The following CDH7 variants were observed in gnomAD, a reference collection of about 807,000 sequenced individuals.
CDH7 encodes the protein cadherin 7.
CDH7 carries 25 observed loss-of-function variants against 71.8 expected under a neutral mutation model. That is an observed-to-expected ratio of 0.35 (90% CI 0.25 to 0.49). The LOEUF (loss-of-function observed/expected upper bound fraction) is 0.49, where lower values mean the gene tolerates loss of function less well. CDH7 is among the 20% of genes least tolerant of loss of function. CDH7 has a pLI of 0.99. For synonymous variants in CDH7, 381 were observed against 363.8 expected, an observed-to-expected ratio of 1.05 and a Z score of -0.54; for missense variants, 862 against 974.6, an observed-to-expected ratio of 0.88 and a Z score of 1.54.
rs552052364 is a variant in CDH7 at position 65,828,630 on chromosome 18, C to T, written c.981+3799C>T. Among the ~76,000 whole-genome samples the T allele has an allele frequency of 1.2e-4, 18 of 151,936 alleles. No homozygotes were observed. In the South Asian group the frequency reaches 2.1e-3, roughly 18 times the overall value. ...AGGATATTAGTAGTTAAGTTTTGAG[C>T]GATCCAAAGTTATACACAGATTTTT... On this transcript the variant is annotated intron_variant, in intron 6 of 11. Transcript: ENST00000397968.
chr18:65,862,642 A>G, intron 10 of CDH7, 24 bp from the exon 11 acceptor site: 1 of 1,609,552 alleles, frequency 6.2e-7, no homozygotes, highest in Non-Finnish European at 8.5e-7. Flanking sequence ...ATCTGGTGTT[A>G]TACATTTGCT....
chr18:65,781,805 T>TCCTG, intron 2 of CDH7, among the ~76,000 whole-genome samples: 1 of 80,582 alleles, frequency 1.2e-5, no homozygotes, highest in African/African-American at 7.6e-5. Flanking sequence ...CTTCCTTCCT[T>TCCTG]CCTTCCTTCC....
intron 2 of CDH7, among the ~76,000 whole-genome samples, chr18:65,802,935 T>G (rs1911178412): frequency 6.6e-6 from 1 of 152,204 alleles, no homozygotes; most frequent in Admixed American, 6.5e-5. Context: ...GCACAGATCC[T>G]TGGAACCTTT....
chr18:65,849,958 A>G (rs917955877), intron 7 of CDH7, among the ~76,000 whole-genome samples: 1 of 151,622 alleles, frequency 6.6e-6, no homozygotes, highest in Non-Finnish European at 1.5e-5. Flanking sequence ...TAGGCCAGGA[A>G]TTCGAGACCA....
rs1568181719 is a variant in CDH7, at chr18:65,781,864, T to TTCTTTCTC, written c.210+18815_210+18816insTTCTCTCT. ...TTTCTTTCTTTCTTTCTTTCTTTCT[T>TTCTTTCTC]TCTCTCTCTCTCTCTGTCTCTCTCT... is the stretch of plus-strand genomic sequence containing the variant. On this transcript the variant is annotated intron_variant, in intron 2 of 11. Coordinates refer to ENST00000397968, the MANE Select transcript of CDH7 (RefSeq NM_004361.5). Among the ~76,000 whole-genome samples, 17 of 54,628 alleles carry TTCTTTCTC rather than the reference T, an allele frequency of 3.1e-4. 2 individuals are homozygous for TTCTTTCTC. Among genetic ancestry groups the TTCTTTCTC allele is most frequent in the Non-Finnish European group, 4.7e-4 (15 of 31,652 alleles). 35.8% of individuals were successfully genotyped at this position (54,628 alleles called of 152,430 possible).
At chr18:65,821,468 T>C (rs1351959258) in intron 4 of CDH7, among the ~76,000 whole-genome samples, 1 of 152,132 alleles carries the variant, frequency 6.6e-6, no homozygotes, top group Non-Finnish European at 1.5e-5. Flanking sequence ...GCCGTGACAA[T>C]AGCATCCAAC....
Position 65,890,230 on chromosome 18 carries a change from C to T in CDH7, c.*9336C>T, listed in dbSNP as rs1002763724. 2 of 152,148 alleles carry T rather than the reference C, an allele frequency of 1.3e-5. No individual in the cohort carries two copies. The highest frequency in any genetic ancestry group is 4.8e-5 in the African/African-American group (2 of 41,440). The allele number at this position is 152,148 out of a possible 1,614,324, so 9.4% of individuals were successfully genotyped here. On this transcript the variant is annotated 3_prime_UTR_variant, in exon 12 of 12. Coordinates refer to ENST00000397968, the MANE Select transcript of CDH7 (RefSeq NM_004361.5). The stretch of plus-strand genomic sequence containing the variant: ...CCAATATTGTTATAAATTTATGAAG[C>T]TTCAATTCTAGCAAAAATAAACTAT...
chr18:65,877,669 A>G (rs1199412404), intron 11 of CDH7, among the ~76,000 whole-genome samples: 4 of 151,954 alleles, frequency 2.6e-5, no homozygotes, highest in Non-Finnish European at 4.4e-5. Context: ...GCATCCCATC[A>G]CTATTTTCTC....
chr18:65,814,737 A>G (rs1911664177), intron 4 of CDH7, 133 bp downstream of exon 4: 1 of 688,400 alleles, frequency 1.5e-6, no homozygotes, highest in Admixed American at 3.3e-5. Flanking sequence ...CTACTTTGGT[A>G]AGCATGATAT....
intron 11 of CDH7, among the ~76,000 whole-genome samples, chr18:65,878,909 T>C (rs1025114482): frequency 1.4e-4 from 22 of 152,056 alleles, no homozygotes; most frequent in African/African-American, 5.1e-4. Flanking sequence ...TGCAGTAGGG[T>C]CCAGTGGGAA....
At chr18:65,872,854 C>T (rs531625103) in intron 11 of CDH7, among the ~76,000 whole-genome samples, 5 of 151,648 alleles carry the variant, frequency 3.3e-5, no homozygotes, top group African/African-American at 9.7e-5. Context: ...ATGATCACTC[C>T]GGCCTGGGTG....
chr18:65,798,067 G>C (rs537864728), intron 2 of CDH7, among the ~76,000 whole-genome samples: 88 of 152,302 alleles, frequency 5.8e-4, no homozygotes, highest in Non-Finnish European at 1.1e-3. Context: ...GAGAACTAAG[G>C]AGGAGGGCAT....
intron 1 of CDH7, among the ~76,000 whole-genome samples, chr18:65,757,678 T>A (rs1916068902): frequency 6.6e-6 from 1 of 152,268 alleles, no homozygotes; most frequent in South Asian, 2.1e-4. Flanking sequence ...CTCTGTGCCC[T>A]TCTCTCCTCA....
Position 65,859,013 on chromosome 18 carries a change from G to C in CDH7, c.1461G>C (p.Glu487Asp). The change falls in exon 9 of 12, where the codon GAG becomes GAC. Residue 487 changes from glutamate to aspartate, a missense_variant. By Grantham distance (45) the Glu-to-Asp change is conservative. Coordinates refer to ENST00000397968, the MANE Select transcript of CDH7 (RefSeq NM_004361.5). Reference sequence around the variant, plus strand: ...CCCCTGAATTTGCCATGGACTATGAGACCACCGTCTGTGAAAATGCCCAGC... The same window carrying C: ...CCCCTGAATTTGCCATGGACTATGACACCACCGTCTGTGAAAATGCCCAGC... Reference protein sequence around the residue: ...DNAPEFAMDYETTVCENAQPG... With the variant: ...DNAPEFAMDYDTTVCENAQPG... 1 of 1,613,562 alleles carries C rather than the reference G, an allele frequency of 6.2e-7. No homozygotes were observed. The highest frequency in any genetic ancestry group is 8.5e-7 in the Non-Finnish European group (1 of 1,179,598).
intron 2 of CDH7, among the ~76,000 whole-genome samples, chr18:65,782,593 A>G (rs1910354343): frequency 1.3e-5 from 2 of 152,192 alleles, no homozygotes; most frequent in Admixed American, 6.5e-5. Context: ...TGCAGACACC[A>G]TGAACACTGA....
intron 2 of CDH7, among the ~76,000 whole-genome samples, chr18:65,798,797 C>A (rs1911008728): frequency 6.6e-6 from 1 of 152,084 alleles, no homozygotes; most frequent in Admixed American, 6.5e-5. Flanking sequence ...AGGTGGCTCT[C>A]TTCAACTGAG....
chr18:65,867,105 G>C (rs554131962), intron 11 of CDH7, among the ~76,000 whole-genome samples: 3 of 147,148 alleles, frequency 2.0e-5, no homozygotes, highest in African/African-American at 7.5e-5. Context: ...GTGCAATCTC[G>C]ACTCACTGCA....
chr18:65,862,759 C>G lies in CDH7; in HGVS notation c.1706C>G (p.Ser569Cys). 6.2e-7 allele frequency: 1 copy of G among 1,614,090 alleles called. No individual in the cohort carries two copies. The highest frequency in any genetic ancestry group is 8.5e-7 in the Non-Finnish European group (1 of 1,179,986). The change falls in exon 11 of 12, where the codon TCT becomes TGT. Residue 569 changes from serine (S) to cysteine (C), a missense_variant. Physicochemically the swap from Ser to Cys is moderately radical, Grantham distance 112 (BLOSUM62 -1). Transcript: ENST00000397968. ...YLPIFIVDSG[S>C]PSLSSTNTLT... ...CCAATTTTCATTGTGGACAGTGGAT[C>G]TCCCTCACTTAGCAGCACCAACACC...
intron 2 of CDH7, among the ~76,000 whole-genome samples, chr18:65,790,867 T>G (rs900445112): frequency 4.6e-5 from 7 of 152,164 alleles, no homozygotes; most frequent in Non-Finnish European, 8.8e-5. Flanking sequence ...AAACTCTGTC[T>G]CAAAACAAAA....
Sources: allele counts gnomAD v4.1 joint callset (sites outside exome capture counted in the v4.1 genomes callset), GRCh38; gene constraint gnomAD v4.1.1; transcripts MANE v1.5; gene names NCBI Gene and HGNC (gene_info 2026-07-23, HGNC 2026-07-21).